FAM184A: variants seen among roughly 807,000 people sequenced by gnomAD.
FAM184A encodes the protein protein FAM184A.
A neutral mutation model predicts 143.8 loss-of-function variants in FAM184A; 99 were observed. The observed-to-expected ratio is 0.69, with a 90% CI of 0.58 to 0.81. The LOEUF is 0.81. FAM184A is among the 40% of genes least tolerant of loss of function. The pLI is 0.00. For synonymous variants in FAM184A, 427 were observed against 446.4 expected, an observed-to-expected ratio of 0.96 and a Z score of 0.55; for missense variants, 1,217 against 1,310.5, an observed-to-expected ratio of 0.93 and a Z score of 1.10.
chr6:119,141,271 C>A (rs1486160592), intron 1 of FAM184A, among the ~76,000 whole-genome samples: 2 of 152,162 alleles, frequency 1.3e-5, no homozygotes, highest in Non-Finnish European at 2.9e-5. Flanking sequence ...AGCAAAGATG[C>A]CTCTGTAAAT....
Position 119,024,262 on chromosome 6 carries a change from T to C in FAM184A, c.711A>G (p.Leu237=), listed in dbSNP as rs202119106. ...CAATTAGTTTCTTCCGTTCAAGTCT[T>C]AGCTCCTCAAGCATTTTGTTTAGGG... ...VESLNKMLEE[L]RLERKKLIED... The change falls in exon 2 of 18, where the codon CTA becomes CTG. Residue 237 remains leucine, a synonymous_variant. Coordinates refer to ENST00000338891, the MANE Select transcript of FAM184A (RefSeq NM_024581.6). 1.8e-5 allele frequency: 29 copies of C among 1,614,102 alleles called. No homozygotes were observed. Among genetic ancestry groups the C allele is most frequent in the Non-Finnish European group, 2.4e-5 (28 of 1,180,046 alleles).
chr6:119,051,382 C>T (rs1280442743), intron 1 of FAM184A, among the ~76,000 whole-genome samples: 2 of 151,978 alleles, frequency 1.3e-5, no homozygotes, highest in South Asian at 2.1e-4. Context: ...TTACTAGAGG[C>T]TGGAGAGGGT....
chr6:119,009,775 G>A (rs868375120), intron 6 of FAM184A, among the ~76,000 whole-genome samples: 1 of 152,128 alleles, frequency 6.6e-6, no homozygotes, highest in South Asian at 2.1e-4. Context: ...TCTGTCCATA[G>A]TAGTAGGGAC....
chr6:118,993,225 T>A (rs529082149), intron 9 of FAM184A, among the ~76,000 whole-genome samples: 2 of 152,316 alleles, frequency 1.3e-5, no homozygotes, highest in Admixed American at 1.3e-4. Flanking sequence ...CTGAGAAGAC[T>A]TGGAGACTTC....
chr6:119,036,036 T>C (rs1562483556), intron 1 of FAM184A, among the ~76,000 whole-genome samples: 2 of 152,204 alleles, frequency 1.3e-5, no homozygotes, highest in East Asian at 3.9e-4. Context: ...GTTGACACCA[T>C]ATTAATATAA....
intron 1 of FAM184A, among the ~76,000 whole-genome samples, chr6:119,144,377 G>A (rs1772352530): frequency 6.6e-6 from 1 of 152,036 alleles, no homozygotes; most frequent in East Asian, 1.9e-4. Context: ...TGCCTGCCTG[G>A]GACTTGCGTC....
intron 6 of FAM184A, chr6:119,011,055 T>C (rs1785072908): frequency 6.2e-6 from 2 of 323,406 alleles, no homozygotes; most frequent in South Asian, 9.8e-5. Context: ...TCTCTTGTTC[T>C]TTTCCTATGT....
In FAM184A at chr6:119,035,146, A is replaced by G. The variant is rs535775395; in HGVS notation, c.160-10333T>C. ...AGCAACTGGCCGGTTAGACATTTAA[A>G]GAGGATTTTAACAAAACCTTTTAAC... On this transcript the variant is annotated intron_variant, in intron 1 of 17. Transcript: ENST00000338891. Among the ~76,000 whole-genome samples the G allele has an allele frequency of 3.3e-5, 5 of 152,312 alleles. No homozygotes were observed. In the South Asian group the frequency reaches 6.2e-4, roughly 19 times the overall value.
chr6:119,022,053 CTTTTTTTT>C lies in FAM184A; in HGVS notation c.1150+884_1150+891del, dbSNP rs34128659. Among the ~76,000 whole-genome samples the C allele has an allele frequency of 2.0e-4, 17 of 84,392 alleles. No homozygotes were observed. In the East Asian group the frequency reaches 3.8e-3, roughly 19 times the overall value. The allele number at this position is 84,392 out of a possible 152,430, so 55.4% of individuals were successfully genotyped here. The stretch of plus-strand genomic sequence containing the variant: ...AAGTGTGCTTCATTTTTCGTTCTTT[CTTTTTTTT>C]TTTTTTTTTTTTTTTTTGATACAGC... On this transcript the variant is annotated intron_variant, in intron 3 of 17. Coordinates refer to ENST00000338891, the MANE Select transcript of FAM184A (RefSeq NM_024581.6).
In FAM184A at chr6:118,959,910, T is replaced by A. The variant is rs934997781; in HGVS notation, c.*193A>T. On this transcript the variant is annotated 3_prime_UTR_variant, in exon 18 of 18. Transcript: ENST00000338891. Reference sequence around the variant, plus strand: ...TCTCAAATAAAAATAACAGTTATAATTACACACATAATATAGTACCTTATA... The same window carrying A: ...TCTCAAATAAAAATAACAGTTATAAATACACACATAATATAGTACCTTATA... 2.6e-6 allele frequency: 1 copy of A among 377,598 alleles called. No homozygotes were observed. Among genetic ancestry groups the A allele is most frequent in the African/African-American group, 2.1e-5 (1 of 48,388 alleles). 23.4% of individuals were successfully genotyped at this position (377,598 alleles called of 1,614,324 possible).
At chr6:119,129,423 A>G (rs1472573129) in intron 1 of FAM184A, among the ~76,000 whole-genome samples, 1 of 152,234 alleles carries the variant, frequency 6.6e-6, no homozygotes, top group Non-Finnish European at 1.5e-5. Flanking sequence ...CTGATCTTTT[A>G]GGGCCCAGAT....
chr6:118,961,356 G>A (rs1783318012), intron 17 of FAM184A, among the ~76,000 whole-genome samples: 1 of 147,870 alleles, frequency 6.8e-6, no homozygotes. Flanking sequence ...AATAATCTTG[G>A]TAAACAAGAA....
intron 1 of FAM184A, among the ~76,000 whole-genome samples, chr6:119,087,802 T>G (rs374617240): frequency 6.6e-6 from 1 of 152,200 alleles, no homozygotes; most frequent in African/African-American, 2.4e-5. Flanking sequence ...GTACACCGAT[T>G]GTCACAGCAG....
intron 1 of FAM184A, among the ~76,000 whole-genome samples, chr6:119,120,449 T>C (rs11753851): frequency 0.17 from 25,715 of 152,244 alleles, 2,708 homozygotes; most frequent in Non-Finnish European, 0.24. Context: ...TTTGGGGCTA[T>C]TATGCTGCCA....
At chr6:119,066,048 C>G (rs553814208) in intron 1 of FAM184A, among the ~76,000 whole-genome samples, 1 of 152,248 alleles carries the variant, frequency 6.6e-6, no homozygotes, top group South Asian at 2.1e-4. Flanking sequence ...CCCATGTGTA[C>G]AGGGAAGGAA....
chr6:118,994,752 T>C (rs926458643), intron 9 of FAM184A, among the ~76,000 whole-genome samples: 1 of 151,738 alleles, frequency 6.6e-6, no homozygotes, highest in African/African-American at 2.4e-5. Flanking sequence ...CAGAGGGTTA[T>C]CATCACACAA....
intron 1 of FAM184A, among the ~76,000 whole-genome samples, chr6:119,039,672 G>A (rs1322854249): frequency 6.6e-6 from 1 of 152,134 alleles, no homozygotes; most frequent in South Asian, 2.1e-4. Flanking sequence ...GGCAAGACTG[G>A]GGCTGGACAG....
At chr6:118,978,346 G>C (rs964497741) in intron 11 of FAM184A, among the ~76,000 whole-genome samples, 1 of 152,202 alleles carries the variant, frequency 6.6e-6, no homozygotes, top group African/African-American at 2.4e-5. Context: ...GACTGTTTTT[G>C]CCTGCCCTGA....
chr6:119,011,206 A>G (rs1335183989), intron 6 of FAM184A, 103 bp downstream of exon 6: 2 of 920,548 alleles, frequency 2.2e-6, no homozygotes. Context: ...TTTATTCTAG[A>G]TATGTTACCT....
Sources: allele counts gnomAD v4.1 joint callset (sites outside exome capture counted in the v4.1 genomes callset), GRCh38; gene constraint gnomAD v4.1.1; transcripts MANE v1.5; gene names NCBI Gene and HGNC (gene_info 2026-07-23, HGNC 2026-07-21).